The following DLG2 variants were observed in gnomAD, a reference collection of about 807,000 sequenced individuals.
The protein encoded by DLG2 is disks large homolog 2.
Under a neutral mutation model 132.5 loss-of-function variants are expected in DLG2, and 45 were observed. The observed-to-expected ratio is 0.34, with a 90% CI of 0.27 to 0.44. DLG2 has a LOEUF of 0.44. Among genes scored for constraint, DLG2 ranks in the 20% least tolerant of loss-of-function variants. The probability of loss-of-function intolerance (pLI) is 1.00; values close to 1 mark genes in which losing one functional copy is unlikely to be tolerated. For synonymous variants in DLG2, 424 were observed against 419.6 expected, an observed-to-expected ratio of 1.01 and a Z score of -0.13; for missense variants, 1,045 against 1,196.9, an observed-to-expected ratio of 0.87 and a Z score of 1.87.
chr11:84,571,442 C>T (rs1040855427), intron 6 of DLG2, among the ~76,000 whole-genome samples: 9 of 152,068 alleles, frequency 5.9e-5, no homozygotes, highest in East Asian at 5.8e-4. Flanking sequence ...TTTCACAGTG[C>T]AGCATCCCAA....
At chr11:83,843,583 A>G (rs1411553928) in intron 16 of DLG2, among the ~76,000 whole-genome samples, 1 of 150,420 alleles carries the variant, frequency 6.6e-6, no homozygotes, top group African/African-American at 2.5e-5. Flanking sequence ...CATATAAGAG[A>G]CATACAAACA....
chr11:85,552,596 G>A (rs1162676623), intron 3 of DLG2, among the ~76,000 whole-genome samples: 5 of 151,304 alleles, frequency 3.3e-5, no homozygotes, highest in African/African-American at 7.3e-5. Context: ...GAAAAATAGT[G>A]ACTTAAATAA....
At chr11:84,098,802 CCTTAAAAATCT>C in intron 10 of DLG2, 110 bp downstream of exon 10, 1 of 1,149,840 alleles carries the variant, frequency 8.7e-7, no homozygotes, top group Non-Finnish European at 1.2e-6. Context: ...AGGAAGCTTG[CCTTAAAAATCT>C]CTTTCAAGTA....
At chr11:85,359,180 T>C (rs1028471722) in intron 3 of DLG2, among the ~76,000 whole-genome samples, 1 of 152,204 alleles carries the variant, frequency 6.6e-6, no homozygotes, top group Non-Finnish European at 1.5e-5. Context: ...GGAGTTCACT[T>C]CAGATTCTCT....
chr11:85,402,350 T>A (rs1359117641), intron 3 of DLG2, among the ~76,000 whole-genome samples: 1 of 152,138 alleles, frequency 6.6e-6, no homozygotes, highest in Non-Finnish European at 1.5e-5. Flanking sequence ...TCAAGATGGT[T>A]TAAAAACTTA....
chr11:85,321,018 A>T (rs780033356), intron 3 of DLG2, among the ~76,000 whole-genome samples: 1 of 151,890 alleles, frequency 6.6e-6, no homozygotes, highest in Admixed American at 6.6e-5. Flanking sequence ...CAAAAAATAA[A>T]ATAAAATAAA....
chr11:85,080,025 G>A (rs1283158582), intron 6 of DLG2, among the ~76,000 whole-genome samples: 1 of 152,068 alleles, frequency 6.6e-6, no homozygotes, highest in Non-Finnish European at 1.5e-5. Context: ...AAACCCAGGA[G>A]GCAAAGTCCC....
At chr11:85,498,460 G>C (rs1002130278) in intron 3 of DLG2, among the ~76,000 whole-genome samples, 2 of 152,164 alleles carry the variant, frequency 1.3e-5, no homozygotes, top group African/African-American at 4.8e-5. Flanking sequence ...AAGAGACTTA[G>C]ACTCCCACAC....
chr11:84,611,388 C>T (rs1008983712), intron 6 of DLG2, among the ~76,000 whole-genome samples: 2 of 152,052 alleles, frequency 1.3e-5, no homozygotes, highest in African/African-American at 2.4e-5. Context: ...GACTGTGTGA[C>T]CAGTGTTGTC....
At chr11:84,124,493 G>T (rs973545155) in intron 9 of DLG2, among the ~76,000 whole-genome samples, 32 of 152,300 alleles carry the variant, frequency 2.1e-4, no homozygotes, top group Middle Eastern at 3.4e-3. Context: ...CTCTAGCAGG[G>T]TGGAAAATAA....
At chr11:85,362,124 T>G (rs2084200826) in intron 3 of DLG2, among the ~76,000 whole-genome samples, 1 of 152,152 alleles carries the variant, frequency 6.6e-6, no homozygotes, top group South Asian at 2.1e-4. Flanking sequence ...ACCTGTCTAA[T>G]TTTTGCATTT....
At chr11:85,534,315 CT>C (rs2075424520) in intron 3 of DLG2, among the ~76,000 whole-genome samples, 2 of 151,926 alleles carry the variant, frequency 1.3e-5, no homozygotes, top group Admixed American at 6.6e-5. Flanking sequence ...AAAAAAAGGT[CT>C]TTTTTATTTC....
intron 12 of DLG2, among the ~76,000 whole-genome samples, chr11:83,977,779 A>G (rs1224365103): frequency 6.6e-6 from 1 of 152,018 alleles, no homozygotes; most frequent in East Asian, 1.9e-4. Flanking sequence ...CTCGACTGTC[A>G]CTCTTCTTTG....
intron 6 of DLG2, among the ~76,000 whole-genome samples, chr11:84,642,037 C>T (rs1387932969): frequency 6.9e-6 from 1 of 145,500 alleles, no homozygotes; most frequent in Non-Finnish European, 1.5e-5. Context: ...CACACACATG[C>T]ATACGTATAT....
At chr11:85,330,966 A>G (rs2081689505) in intron 3 of DLG2, among the ~76,000 whole-genome samples, 1 of 152,170 alleles carries the variant, frequency 6.6e-6, no homozygotes, top group Non-Finnish European at 1.5e-5. Flanking sequence ...TACACTTGAA[A>G]TGAATCACGG....
At chr11:83,850,782 AC>A (rs1167727206) in intron 16 of DLG2, among the ~76,000 whole-genome samples, 1 of 152,136 alleles carries the variant, frequency 6.6e-6, no homozygotes, top group Non-Finnish European at 1.5e-5. Flanking sequence ...ACTGGGCTCG[AC>A]CCTGGCTGAG....
chr11:85,250,406 C>A (rs1007792504), intron 4 of DLG2, among the ~76,000 whole-genome samples: 1 of 152,054 alleles, frequency 6.6e-6, no homozygotes, highest in Non-Finnish European at 1.5e-5. Context: ...TAGTAGTATG[C>A]CTGCCTCAAA....
At chr11:83,665,398 T>C (rs1289304836) in intron 18 of DLG2, among the ~76,000 whole-genome samples, 1 of 152,206 alleles carries the variant, frequency 6.6e-6, no homozygotes, top group Non-Finnish European at 1.5e-5. Context: ...CTTTACGTTA[T>C]GCTATAAGAG....
At chr11:85,499,815 C>T (rs1597977778) in intron 3 of DLG2, among the ~76,000 whole-genome samples, 1 of 152,070 alleles carries the variant, frequency 6.6e-6, no homozygotes, top group Non-Finnish European at 1.5e-5. Context: ...TAAATGTAAT[C>T]CATCACATAA....
Sources: gnomAD v4.1 joint callset for allele counts (sites outside exome capture counted in the v4.1 genomes callset) on GRCh38, gnomAD v4.1.1 for gene constraint, MANE v1.5 for transcripts, NCBI Gene and HGNC (gene_info 2026-07-23, HGNC 2026-07-21) for gene names.